EPHB1: variants seen among roughly 807,000 people sequenced by gnomAD.
EPHB1 encodes ephrin type-B receptor 1.
In EPHB1, 30 loss-of-function variants were observed where a neutral mutation model predicts 94.4. That is an observed-to-expected ratio of 0.32 (90% confidence interval 0.24 to 0.43). The LOEUF (loss-of-function observed/expected upper bound fraction) is 0.43, where lower values mean the gene tolerates loss of function less well. EPHB1 is among the 20% of genes least tolerant of loss of function. EPHB1 has a pLI of 1.00. For synonymous variants in EPHB1, 522 were observed against 489.1 expected, an observed-to-expected ratio of 1.07 and a Z score of -0.89; for missense variants, 1,055 against 1,308.3, an observed-to-expected ratio of 0.81 and a Z score of 2.99.
chr3:135,155,596 G>A lies in EPHB1; in HGVS notation c.1422+1320G>A, dbSNP rs1013912237. ...AGGCAGGCAGATCAGTGGCGCTCAGGAGTTCAAGACTAGCCTGACCAACAT... is the reference window on the plus strand; with the variant it reads ...AGGCAGGCAGATCAGTGGCGCTCAGAAGTTCAAGACTAGCCTGACCAACAT... On this transcript the variant is annotated intron_variant, in intron 6 of 15. Transcript: ENST00000398015. Among the ~76,000 whole-genome samples, 6 of 152,046 alleles carry A rather than the reference G, an allele frequency of 3.9e-5. No homozygotes were observed. The South Asian group carries it at 1.2e-3, about 32-fold the overall frequency.
At chr3:135,002,926 T>A (rs1472643131) in intron 3 of EPHB1, among the ~76,000 whole-genome samples, 11 of 152,170 alleles carry the variant, frequency 7.2e-5, no homozygotes, top group Admixed American at 1.3e-4. Context: ...GATTCACTAA[T>A]TTTTTGAAGG....
chr3:135,044,344 T>G (rs2107767715), intron 3 of EPHB1, among the ~76,000 whole-genome samples: 1 of 152,318 alleles, frequency 6.6e-6, no homozygotes, highest in Admixed American at 6.5e-5. Context: ...GGAGTGGCTC[T>G]GCCTACATCT....
chr3:135,166,917 A>C (rs774370040), intron 8 of EPHB1, 25 bp from the exon 9 acceptor site: 2 of 1,613,592 alleles, frequency 1.2e-6, no homozygotes, highest in Non-Finnish European at 1.7e-6. Flanking sequence ...CCTGTGGCTG[A>C]GAGAGCCCCT....
chr3:134,972,437 ATATAT>A (rs1410793266), intron 3 of EPHB1, among the ~76,000 whole-genome samples: 4 of 145,580 alleles, frequency 2.7e-5, no homozygotes, highest in Admixed American at 6.9e-5. Flanking sequence ...AAGAGGTAAT[ATATAT>A]TATATGTATT....
intron 3 of EPHB1, among the ~76,000 whole-genome samples, chr3:134,979,404 G>A (rs1934321168): frequency 6.6e-6 from 1 of 152,144 alleles, no homozygotes; most frequent in Non-Finnish European, 1.5e-5. Context: ...GGATGTGCCT[G>A]TGTATGTTTG....
At chr3:135,230,985 G>A (rs1213561315) in intron 12 of EPHB1, among the ~76,000 whole-genome samples, 1 of 152,136 alleles carries the variant, frequency 6.6e-6, no homozygotes, top group African/African-American at 2.4e-5. Context: ...AGCACCTAAT[G>A]TTGATTCCAT....
At chr3:135,093,599 G>C (rs1938638189) in intron 3 of EPHB1, among the ~76,000 whole-genome samples, 1 of 151,968 alleles carries the variant, frequency 6.6e-6, no homozygotes, top group African/African-American at 2.4e-5. Context: ...GCACGTGCCT[G>C]TAGTCCCAGG....
intron 2 of EPHB1, among the ~76,000 whole-genome samples, chr3:134,944,768 A>G (rs1434911111): frequency 8.4e-6 from 1 of 118,966 alleles, no homozygotes; most frequent in African/African-American, 3.5e-5. Flanking sequence ...CACGTAGATA[A>G]AAGTCAGAAA....
At chr3:135,218,899 G>A (rs866637623) in intron 12 of EPHB1, among the ~76,000 whole-genome samples, 1 of 152,218 alleles carries the variant, frequency 6.6e-6, no homozygotes, top group African/African-American at 2.4e-5. Context: ...GAAGCCCAAG[G>A]ACGAAAAGGG....
At chr3:134,981,929 T>C (rs897784831) in intron 3 of EPHB1, among the ~76,000 whole-genome samples, 1 of 152,234 alleles carries the variant, frequency 6.6e-6, no homozygotes, top group Non-Finnish European at 1.5e-5. Flanking sequence ...TTAGTTATTA[T>C]TGAGCCCTTA....
intron 1 of EPHB1, among the ~76,000 whole-genome samples, chr3:134,799,700 C>A (rs2035899554): frequency 6.6e-6 from 1 of 152,158 alleles, no homozygotes; most frequent in South Asian, 2.1e-4. Context: ...CGGCTCCAGC[C>A]CCTTCTGCCT....
intron 1 of EPHB1, among the ~76,000 whole-genome samples, chr3:134,860,798 C>CAAAG (rs1553858814): frequency 1.1e-5 from 1 of 93,722 alleles, no homozygotes; most frequent in East Asian, 3.4e-4. Context: ...GGCCAGGTGA[C>CAAAG]AAAAAAAAAA....
intron 1 of EPHB1, among the ~76,000 whole-genome samples, chr3:134,858,369 AGGGC>A (rs2037170931): frequency 6.6e-6 from 1 of 152,076 alleles, no homozygotes; most frequent in African/African-American, 2.4e-5. Flanking sequence ...GGCACGTGGG[AGGGC>A]GTGTGGGTCT....
intron 2 of EPHB1, 89 bp downstream of exon 2, chr3:134,925,969 A>G (rs540296715): frequency 2.6e-6 from 3 of 1,158,276 alleles, no homozygotes; most frequent in African/African-American, 3.1e-5. Flanking sequence ...CCAGAGCAGT[A>G]CCTGTGGGGA....
chr3:134,911,190 G>A (rs2038444959), intron 1 of EPHB1, among the ~76,000 whole-genome samples: 1 of 152,224 alleles, frequency 6.6e-6, no homozygotes, highest in African/African-American at 2.4e-5. Context: ...AGTGGACAGG[G>A]CATCTCTGAG....
At chr3:134,901,047 G>C (rs1431492541) in intron 1 of EPHB1, among the ~76,000 whole-genome samples, 2 of 151,840 alleles carry the variant, frequency 1.3e-5, no homozygotes, top group African/African-American at 2.4e-5. Context: ...TTGGGATGTG[G>C]AACTTCTTTT....
At chr3:135,243,339 T>A (rs1377543128) in intron 13 of EPHB1, among the ~76,000 whole-genome samples, 1 of 152,196 alleles carries the variant, frequency 6.6e-6, no homozygotes, top group African/African-American at 2.4e-5. Context: ...TGCTTGCTGA[T>A]TCTAGAAGGT....
At chr3:135,099,322 CGGATGGATGGACGGATGGATGGATGGAT>C (rs1442079383) in intron 3 of EPHB1, among the ~76,000 whole-genome samples, 3,550 of 27,544 alleles carry the variant, frequency 0.13, 66 homozygotes, top group East Asian at 0.41. Context: ...GATGGATGGA[CGGATGGATGGACGGATGGATGGATGGAT>C]GGATGGATGG....
intron 1 of EPHB1, among the ~76,000 whole-genome samples, chr3:134,839,578 A>T (rs1324982780): frequency 1.3e-5 from 2 of 151,488 alleles, no homozygotes; most frequent in African/African-American, 4.9e-5. Context: ...GCCATGCCTC[A>T]GGCACAGGAC....
Sources: gnomAD v4.1 joint callset for allele counts (sites outside exome capture counted in the v4.1 genomes callset) on GRCh38, gnomAD v4.1.1 for gene constraint, MANE v1.5 for transcripts, NCBI Gene and HGNC (gene_info 2026-07-23, HGNC 2026-07-21) for gene names.